The following ADGRV1 variants were observed in gnomAD, a reference collection of about 807,000 sequenced individuals.
The protein encoded by ADGRV1 is adhesion G protein-coupled receptor V1, also known as G-protein coupled receptor 98.
ADGRV1 carries 359 observed loss-of-function variants against 596.2 expected under a neutral mutation model. The ratio of observed to expected loss-of-function variants is 0.60; its 90% CI spans 0.55 to 0.66. The LOEUF (loss-of-function observed/expected upper bound fraction) is 0.66. ADGRV1 is among the 30% of genes least tolerant of loss of function. ADGRV1 has a pLI of 0.00. For missense variants in ADGRV1, 7,274 were observed against 7,575.6 expected (o/e 0.96, Z 1.48); for synonymous variants, 2,681 against 2,679.2 (o/e 1.00, Z -0.02).
In ADGRV1 at chr5:90,788,078, G is replaced by A. The variant is rs1431846450; in HGVS notation, c.13661G>A (p.Trp4554Ter). Residue 4554 changes from tryptophan (W) to a stop codon, truncating the protein, a stop_gained, in exon 68 of 90, where the codon TGG becomes TAG. Coordinates refer to ENST00000405460, the MANE Select transcript of ADGRV1 (RefSeq NM_032119.4). LOFTEE classifies it high-confidence loss of function. Reference protein sequence around the residue: ...GGLLGEIQVNWETVGPNSQEA... With the variant: ...GGLLGEIQVN The stretch of plus-strand genomic sequence containing the variant: ...ACCAAAAACATCCCGCAGGTGAACT[G>A]GGAGACAGTAGGACCCAACTCTCAA... The A allele has an allele frequency of 6.3e-7, 1 of 1,598,960 alleles. No individual in the cohort carries two copies. Among genetic ancestry groups the A allele is most frequent in the Non-Finnish European group, 8.5e-7 (1 of 1,172,658 alleles).
At chr5:90,570,286 G>A (rs1019699508) in intron 1 of ADGRV1, among the ~76,000 whole-genome samples, 8 of 152,134 alleles carry the variant, frequency 5.3e-5, no homozygotes, top group Non-Finnish European at 1.2e-4. Context: ...GGCTAGAGGA[G>A]AAATCAGATA....
chr5:90,671,686 A>G lies in ADGRV1; in HGVS notation c.4753-860A>G, dbSNP rs534858554. Among the ~76,000 whole-genome samples, 18 of 152,356 alleles carry G rather than the reference A, an allele frequency of 1.2e-4. No individual in the cohort carries two copies. In the South Asian group the frequency reaches 1.7e-3, roughly 14 times the overall value. On this transcript the variant is annotated intron_variant, in intron 21 of 89. Coordinates refer to ENST00000405460, the MANE Select transcript of ADGRV1 (RefSeq NM_032119.4). The stretch of plus-strand genomic sequence containing the variant: ...ATGAAAAATACAGATGGCATTTTAT[A>G]TATTAAAACTTGTATTTTTATCTGT...
chr5:90,926,609 AG>A (rs1485934053), intron 83 of ADGRV1, among the ~76,000 whole-genome samples: 1 of 151,610 alleles, frequency 6.6e-6, no homozygotes, highest in Non-Finnish European at 1.5e-5. Context: ...AATTTTTTGA[AG>A]GGTTTTTTGT....
intron 85 of ADGRV1, among the ~76,000 whole-genome samples, chr5:91,057,457 T>C (rs1384677318): frequency 6.6e-6 from 1 of 152,164 alleles, no homozygotes; most frequent in East Asian, 1.9e-4. Context: ...TGAGAAGAAA[T>C]TTAGAAAGTG....
chr5:91,044,526 G>T (rs1428222080), intron 85 of ADGRV1, among the ~76,000 whole-genome samples: 2 of 152,114 alleles, frequency 1.3e-5, no homozygotes, highest in East Asian at 3.9e-4. Context: ...ACAATGAAAT[G>T]TTAGAGCTGT....
At chr5:90,690,156 C>T in intron 30 of ADGRV1, 80 bp downstream of exon 30, 2 of 794,126 alleles carry the variant, frequency 2.5e-6, no homozygotes, top group Non-Finnish European at 2.0e-6. Context: ...TTTGGAGACT[C>T]AGAATTGATC....
intron 77 of ADGRV1, among the ~76,000 whole-genome samples, chr5:90,833,982 A>G (rs1764741570): frequency 6.6e-6 from 1 of 152,214 alleles, no homozygotes; most frequent in Admixed American, 6.5e-5. Context: ...GCATAAACAT[A>G]CAAGTGAACT....
Position 90,564,612 on chromosome 5 carries a change from AAT to A in ADGRV1, c.22+5708_22+5709del, listed in dbSNP as rs200720440. 8.6e-3 allele frequency among the ~76,000 whole-genome samples: 661 copies of A among 77,064 alleles called. 91 individuals are homozygous for A. The highest frequency in any genetic ancestry group is 0.033 in the Middle Eastern group (5 of 150). 50.6% of individuals were successfully genotyped at this position (77,064 alleles called of 152,430 possible). A position where few individuals can be genotyped will look rare whatever the true frequency, so the allele number is the denominator to read the frequency against. On this transcript the variant is annotated intron_variant, in intron 1 of 89. Transcript: ENST00000405460. ...CAAAGTACACATTTCCATGGCGTTT[AAT>A]ATATATATATATTTTTTTTTTTTTT...
chr5:91,135,395 G>T (rs1360648933), intron 87 of ADGRV1, among the ~76,000 whole-genome samples: 1 of 151,986 alleles, frequency 6.6e-6, no homozygotes, highest in Admixed American at 6.6e-5. Context: ...CCAACTATAG[G>T]TGTTTTTAGG....
chr5:90,824,796 C>A (rs1336253371), intron 76 of ADGRV1, among the ~76,000 whole-genome samples: 3 of 152,144 alleles, frequency 2.0e-5, no homozygotes, highest in African/African-American at 7.2e-5. Flanking sequence ...CACAGTATGT[C>A]CTTTCATTTA....
intron 87 of ADGRV1, among the ~76,000 whole-genome samples, chr5:91,143,988 G>T (rs753525342): frequency 2.6e-5 from 4 of 152,180 alleles, no homozygotes; most frequent in African/African-American, 4.8e-5. Flanking sequence ...TTGCAACAGT[G>T]CCCAGGCTTG....
At chr5:91,122,803 C>G (rs1325200272) in intron 87 of ADGRV1, among the ~76,000 whole-genome samples, 1 of 152,198 alleles carries the variant, frequency 6.6e-6, no homozygotes, top group Non-Finnish European at 1.5e-5. Context: ...CTTGCCCCCT[C>G]TCCGCTACTC....
chr5:91,034,892 C>T (rs1441098648), intron 85 of ADGRV1, among the ~76,000 whole-genome samples: 1 of 152,084 alleles, frequency 6.6e-6, no homozygotes, highest in East Asian at 1.9e-4. Context: ...TGCAAGCGGT[C>T]CTCCCCCTTC....
chr5:91,108,209 C>T (rs1335167515), intron 87 of ADGRV1, among the ~76,000 whole-genome samples: 1 of 152,116 alleles, frequency 6.6e-6, no homozygotes, highest in Non-Finnish European at 1.5e-5. Context: ...TTAAAAATCG[C>T]TTGAGGTATT....
At chr5:91,014,806 G>A (rs1436769101) in intron 85 of ADGRV1, among the ~76,000 whole-genome samples, 2 of 151,422 alleles carry the variant, frequency 1.3e-5, no homozygotes, top group Non-Finnish European at 2.9e-5. Context: ...CTAACTAGCG[G>A]CCTATATATC....
chr5:90,691,839 T>C (rs1375228476), intron 31 of ADGRV1, among the ~76,000 whole-genome samples: 1 of 152,190 alleles, frequency 6.6e-6, no homozygotes, highest in Non-Finnish European at 1.5e-5. Flanking sequence ...AAAAATAGCA[T>C]GCGAGATGCA....
intron 83 of ADGRV1, among the ~76,000 whole-genome samples, chr5:90,927,534 A>C (rs1043739047): frequency 2.6e-5 from 4 of 152,148 alleles, no homozygotes; most frequent in Admixed American, 2.0e-4. Flanking sequence ...GTGTCTCTGC[A>C]CGTGAGATGC....
chr5:90,703,904 TC>T (rs1366909113), intron 35 of ADGRV1, 109 bp downstream of exon 35: 1 of 755,194 alleles, frequency 1.3e-6, no homozygotes, highest in East Asian at 2.8e-5. Flanking sequence ...TTCTCTCTTC[TC>T]CAGACCTACT....
intron 85 of ADGRV1, among the ~76,000 whole-genome samples, chr5:91,012,652 C>T (rs190579983): frequency 2.6e-5 from 4 of 152,032 alleles, no homozygotes; most frequent in Non-Finnish European, 5.9e-5. Flanking sequence ...AGTTTTCTCC[C>T]TCTTGAGACA....
Sources: allele counts gnomAD v4.1 joint callset (sites outside exome capture counted in the v4.1 genomes callset), GRCh38; gene constraint gnomAD v4.1.1; transcripts MANE v1.5; gene names NCBI Gene and HGNC (gene_info 2026-07-23, HGNC 2026-07-21).